The following SAMD4A variants were observed in gnomAD, a reference collection of about 807,000 sequenced individuals.
The protein encoded by SAMD4A is protein Smaug homolog 1.
SAMD4A carries 33 observed loss-of-function variants against 81.3 expected under a neutral mutation model. The observed-to-expected ratio is 0.41, with a 90% CI of 0.31 to 0.54. The LOEUF (loss-of-function observed/expected upper bound fraction) is 0.54. Ranked by LOEUF, SAMD4A falls within the 20% of genes least tolerant of loss-of-function variation. The pLI, the probability that SAMD4A is intolerant of heterozygous loss-of-function variation, is 0.37. For synonymous variants in SAMD4A, 389 were observed against 382.1 expected, an observed-to-expected ratio of 1.02 and a Z score of -0.21; for missense variants, 854 against 951.1, an observed-to-expected ratio of 0.90 and a Z score of 1.34.
Position 54,630,514 on chromosome 14 carries a change from A to G in SAMD4A, c.196+62402A>G, listed in dbSNP as rs146436994. Among the ~76,000 whole-genome samples, 135 of 152,268 alleles carry G rather than the reference A, an allele frequency of 8.9e-4. 1 individual carries two copies. Among genetic ancestry groups the G allele is most frequent in the African/African-American group, 3.0e-3 (123 of 41,546 alleles). ...AAATGTTCATTCAGGTCCTTTCCCAATTTTTAAAATCAGATTGTATTTTGT... is the reference window on the plus strand; with the variant it reads ...AAATGTTCATTCAGGTCCTTTCCCAGTTTTTAAAATCAGATTGTATTTTGT... On this transcript the variant is annotated intron_variant, in intron 2 of 12. Transcript: ENST00000554335.
At chr14:54,637,321 C>T (rs1416377667) in intron 2 of SAMD4A, among the ~76,000 whole-genome samples, 7 of 131,644 alleles carry the variant, frequency 5.3e-5, no homozygotes, top group Admixed American at 2.6e-4. Flanking sequence ...GCTGAGACTG[C>T]GTCATTGCAC....
chr14:54,791,498 T>C lies in SAMD4A; in HGVS notation c.*2554T>C, dbSNP rs576981623. ...AATGGTTATCTGATTATTAGAGATA[T>C]TATTTTGGATATGTTACTTATTAAC... On this transcript the variant is annotated 3_prime_UTR_variant, in exon 13 of 13. Coordinates refer to ENST00000554335, the MANE Select transcript of SAMD4A (RefSeq NM_015589.6). 19 of 152,354 alleles carry C rather than the reference T, an allele frequency of 1.2e-4. No homozygotes were observed. In the East Asian group the frequency reaches 3.5e-3, roughly 28 times the overall value. 9.4% of individuals were successfully genotyped at this position (152,354 alleles called of 1,614,324 possible).
intron 2 of SAMD4A, among the ~76,000 whole-genome samples, chr14:54,685,501 CTGT>C (rs2036243441): frequency 6.6e-6 from 1 of 152,216 alleles, no homozygotes; most frequent in African/African-American, 2.4e-5. Flanking sequence ...ACCTATTCAT[CTGT>C]TGATGGACAT....
chr14:54,670,952 G>A (rs2035868103), intron 2 of SAMD4A, among the ~76,000 whole-genome samples: 1 of 152,200 alleles, frequency 6.6e-6, no homozygotes, highest in Non-Finnish European at 1.5e-5. Flanking sequence ...CCTTAGCTGA[G>A]TGAATTCTTT....
rs150433747 is a variant in SAMD4A at position 54,781,927 on chromosome 14, G to A, written c.2045-2610G>A. Reference sequence around the variant, plus strand: ...ACACAATTAAAAAGTCACACTATTAGGAAACTCTGCAGTGTGAACATATGG... The same window carrying A: ...ACACAATTAAAAAGTCACACTATTAAGAAACTCTGCAGTGTGAACATATGG... On this transcript the variant is annotated intron_variant, in intron 11 of 12. Transcript: ENST00000554335. Among the ~76,000 whole-genome samples the A allele has an allele frequency of 4.1e-4, 62 of 152,316 alleles. No homozygotes were observed. In the East Asian group the frequency reaches 6.2e-3, roughly 15 times the overall value.
chr14:54,711,480 G>C (rs1408568901), intron 3 of SAMD4A, among the ~76,000 whole-genome samples: 1 of 152,172 alleles, frequency 6.6e-6, no homozygotes, highest in Admixed American at 6.5e-5. Context: ...TCAAGCTTCT[G>C]ATTTTGATAA....
chr14:54,570,797 A>G (rs1210434583), intron 2 of SAMD4A, among the ~76,000 whole-genome samples: 2 of 152,250 alleles, frequency 1.3e-5, no homozygotes, highest in East Asian at 3.8e-4. Flanking sequence ...TACACCCAGA[A>G]TAATTAACCT....
chr14:54,596,907 A>G (rs1315916644), intron 2 of SAMD4A, among the ~76,000 whole-genome samples: 1 of 152,146 alleles, frequency 6.6e-6, no homozygotes, highest in African/African-American at 2.4e-5. Flanking sequence ...CAGGTTCTGA[A>G]AGGTAGCCTT....
chr14:54,664,635 C>G (rs1204232716), intron 2 of SAMD4A, among the ~76,000 whole-genome samples: 1 of 151,806 alleles, frequency 6.6e-6, no homozygotes, highest in African/African-American at 2.4e-5. Flanking sequence ...CCTTCTTACT[C>G]CCTAAGCAAT....
At chr14:54,743,724 AAGCCTGG>A (rs546815874) in intron 4 of SAMD4A, among the ~76,000 whole-genome samples, 160 of 152,252 alleles carry the variant, frequency 1.1e-3, no homozygotes, top group African/African-American at 3.8e-3. Flanking sequence ...TGCTTCCTAC[AAGCCTGG>A]AGCCTCCCCA....
At chr14:54,683,114 G>A (rs1236442780) in intron 2 of SAMD4A, among the ~76,000 whole-genome samples, 2 of 152,294 alleles carry the variant, frequency 1.3e-5, no homozygotes, top group African/African-American at 4.8e-5. Context: ...TTATATACAC[G>A]TCTGCAAGAT....
intron 2 of SAMD4A, among the ~76,000 whole-genome samples, chr14:54,655,548 A>G (rs2035500685): frequency 6.6e-6 from 1 of 150,736 alleles, no homozygotes; most frequent in African/African-American, 2.4e-5. Flanking sequence ...CCCGACCAAC[A>G]TGGAAAAACC....
chr14:54,778,406 C>T (rs959113753), intron 11 of SAMD4A, among the ~76,000 whole-genome samples: 13 of 152,332 alleles, frequency 8.5e-5, no homozygotes, highest in African/African-American at 3.1e-4. Flanking sequence ...AACTATGAAC[C>T]TAATATCATT....
At chr14:54,653,346 T>C (rs1370443059) in intron 2 of SAMD4A, among the ~76,000 whole-genome samples, 1 of 130,618 alleles carries the variant, frequency 7.7e-6, no homozygotes, top group Non-Finnish European at 1.6e-5. Flanking sequence ...ATTATTATTA[T>C]TATTATTTGA....
intron 2 of SAMD4A, among the ~76,000 whole-genome samples, chr14:54,649,325 T>C (rs975594716): frequency 6.6e-6 from 1 of 151,448 alleles, no homozygotes; most frequent in Admixed American, 6.6e-5. Context: ...GAGACAGAGG[T>C]TTTAGGGAGT....
At chr14:54,755,984 A>G (rs1049394332) in intron 6 of SAMD4A, among the ~76,000 whole-genome samples, 1 of 152,140 alleles carries the variant, frequency 6.6e-6, no homozygotes, top group Non-Finnish European at 1.5e-5. Context: ...ACAGAAGGAG[A>G]AAATGCTTCT....
intron 8 of SAMD4A, among the ~76,000 whole-genome samples, chr14:54,767,676 T>A (rs1459445770): frequency 6.6e-6 from 1 of 152,086 alleles, no homozygotes; most frequent in Non-Finnish European, 1.5e-5. Context: ...AGCCTTCCCT[T>A]CCCCTCCAGG....
At chr14:54,740,960 G>T (rs10146234) in intron 4 of SAMD4A, among the ~76,000 whole-genome samples, 33,457 of 152,170 alleles carry the variant, frequency 0.22, 3,849 homozygotes, top group South Asian at 0.34. Flanking sequence ...CCACAATTTA[G>T]CTTGAAACTA....
intron 2 of SAMD4A, chr14:54,688,026 G>A (rs1404646659): frequency 2.0e-6 from 2 of 985,488 alleles, no homozygotes; most frequent in Non-Finnish European, 2.4e-6. Flanking sequence ...AAAAGGAGAA[G>A]GACAAAGTGG....
Sources: gnomAD v4.1 joint callset for allele counts (sites outside exome capture counted in the v4.1 genomes callset) on GRCh38, gnomAD v4.1.1 for gene constraint, MANE v1.5 for transcripts, NCBI Gene and HGNC (gene_info 2026-07-23, HGNC 2026-07-21) for gene names.